Variants in CAPZB observed in about 807,000 individuals in gnomAD.
CAPZB encodes F-actin-capping protein subunit beta.
In CAPZB, 2 loss-of-function variants were observed where a neutral mutation model predicts 38.1. The observed-to-expected ratio is 0.05, with a 90% CI of 0.02 to 0.17. The LOEUF (loss-of-function observed/expected upper bound fraction) is 0.17. Ranked by LOEUF, CAPZB falls within the 10% of genes least tolerant of loss-of-function variation. The probability of loss-of-function intolerance (pLI) is 1.00; values close to 1 mark genes in which losing one functional copy is unlikely to be tolerated. For synonymous variants in CAPZB, 107 were observed against 127.4 expected (o/e 0.84, Z 1.08); for missense variants, 161 against 334.2 (o/e 0.48, Z 4.04).
At chr1:19,398,878 C>CT (rs35605042) in intron 2 of CAPZB, among the ~76,000 whole-genome samples, 8,894 of 140,808 alleles carry the variant, frequency 0.063, 405 homozygotes, top group African/African-American at 0.13. Context: ...CTGCACAACT[C>CT]TTTTTTTTTT....
chr1:19,421,956 C>T (rs527833753), intron 1 of CAPZB, among the ~76,000 whole-genome samples: 5 of 152,260 alleles, frequency 3.3e-5, no homozygotes, highest in African/African-American at 9.6e-5. Context: ...CCAACCTCCC[C>T]GCCCCTCAAC....
intron 1 of CAPZB, among the ~76,000 whole-genome samples, chr1:19,452,495 G>A (rs775160459): frequency 1.3e-5 from 2 of 152,222 alleles, no homozygotes; most frequent in Non-Finnish European, 2.9e-5. Flanking sequence ...AAGAGGAGCA[G>A]GGTCTGAGTT....
At chr1:19,484,044 G>A (rs2094640763) in intron 1 of CAPZB, 2 of 773,668 alleles carry the variant, frequency 2.6e-6, no homozygotes, top group African/African-American at 1.8e-5. Context: ...CTGTCCTGCA[G>A]AAGGGTCAAG....
At chr1:19,420,606 G>T (rs569458251) in intron 1 of CAPZB, among the ~76,000 whole-genome samples, 1 of 150,220 alleles carries the variant, frequency 6.7e-6, no homozygotes, top group South Asian at 2.1e-4. Context: ...TTTTGGGGGG[G>T]AGGGGGGGAA....
At chr1:19,385,201 A>G (rs2094197284) in intron 3 of CAPZB, among the ~76,000 whole-genome samples, 1 of 152,124 alleles carries the variant, frequency 6.6e-6, no homozygotes, top group East Asian at 1.9e-4. Flanking sequence ...TTTTTGAACA[A>G]CATCCCTCTC....
chr1:19,484,612 A>AGCTCCCCTC (rs1289537430), intron 1 of CAPZB: 1 of 1,192,652 alleles, frequency 8.4e-7, no homozygotes. Flanking sequence ...CCTGATGGAG[A>AGCTCCCCTC]GCTCCCCTCG....
At chr1:19,446,099 C>G (rs2100666723) in intron 1 of CAPZB, among the ~76,000 whole-genome samples, 1 of 152,338 alleles carries the variant, frequency 6.6e-6, no homozygotes, top group South Asian at 2.1e-4. Flanking sequence ...CAGTTCCAGT[C>G]TACACGGGAG....
chr1:19,426,853 A>C (rs1043135167), intron 1 of CAPZB, among the ~76,000 whole-genome samples: 1 of 152,228 alleles, frequency 6.6e-6, no homozygotes, highest in Non-Finnish European at 1.5e-5. Flanking sequence ...GTTAGACAGC[A>C]ACAGTAAATG....
At position 19,402,830 on chromosome 1, in the gene CAPZB, C is replaced by T. The variant is rs527366506; in HGVS notation, c.93+16831G>A. Among the ~76,000 whole-genome samples, 7 of 152,106 alleles carry T rather than the reference C, an allele frequency of 4.6e-5. 1 individual carries two copies. In the South Asian group the frequency reaches 1.2e-3, roughly 27 times the overall value. On this transcript the variant is annotated intron_variant, in intron 2 of 8. Transcript: ENST00000264202. ...TGGAAGGCCGAGGCGGGTAGATCAC[C>T]TGAGGTCAGGAGTTCGAGACCAGCA...
At chr1:19,341,591 G>A (rs112922838) in intron 8 of CAPZB, among the ~76,000 whole-genome samples, 122 of 152,338 alleles carry the variant, frequency 8.0e-4, no homozygotes, top group African/African-American at 2.9e-3. Flanking sequence ...GACAGTGCTC[G>A]ACTCTGTGGG....
chr1:19,453,226 G>GCTA (rs2094522440), intron 1 of CAPZB, among the ~76,000 whole-genome samples: 1 of 152,080 alleles, frequency 6.6e-6, no homozygotes, highest in South Asian at 2.1e-4. Flanking sequence ...GGGCCCCTGT[G>GCTA]CTACTGATAA....
intron 2 of CAPZB, among the ~76,000 whole-genome samples, chr1:19,400,861 T>A (rs916354483): frequency 6.6e-6 from 1 of 152,196 alleles, no homozygotes; most frequent in Non-Finnish European, 1.5e-5. Context: ...GCCATCTTTT[T>A]CACCACTGGA....
At chr1:19,443,959 TA>T (rs1027831316) in intron 1 of CAPZB, among the ~76,000 whole-genome samples, 1 of 152,026 alleles carries the variant, frequency 6.6e-6, no homozygotes, top group African/African-American at 2.4e-5. Flanking sequence ...CCCCTCTGGT[TA>T]AAAAAACTCT....
intron 1 of CAPZB, among the ~76,000 whole-genome samples, chr1:19,451,804 T>C (rs1422814130): frequency 1.3e-5 from 2 of 152,082 alleles, no homozygotes; most frequent in African/African-American, 4.8e-5. Flanking sequence ...ACCCTCAACA[T>C]AGCTGAAACC....
chr1:19,451,314 GCAGAGAACAGAAA>G (rs2094515236), intron 1 of CAPZB, among the ~76,000 whole-genome samples: 1 of 152,186 alleles, frequency 6.6e-6, no homozygotes, highest in Non-Finnish European at 1.5e-5. Flanking sequence ...AATGGTAGAG[GCAGAGAACAGAAA>G]CAGGGAACGG....
chr1:19,344,718 C>A lies in CAPZB; in HGVS notation c.655-284G>T, dbSNP rs533429386. On this transcript the variant is annotated intron_variant, in intron 7 of 8. Coordinates refer to ENST00000264202, the MANE Select transcript of CAPZB (RefSeq NM_004930.5). ...GGAGCTGCTCTAAACCACATCACCA[C>A]CCCTTGGGCTCCCCACTAATTTTGT... is the stretch of plus-strand genomic sequence containing the variant. 2.0e-5 allele frequency among the ~76,000 whole-genome samples: 3 copies of A among 152,158 alleles called. No individual in the cohort carries two copies. In the South Asian group the frequency reaches 6.2e-4, roughly 31 times the overall value.
At chr1:19,435,920 G>A (rs2094456807) in intron 1 of CAPZB, among the ~76,000 whole-genome samples, 1 of 152,202 alleles carries the variant, frequency 6.6e-6, no homozygotes, top group African/African-American at 2.4e-5. Context: ...TCACAAGTGA[G>A]GAAGGCAGCA....
chr1:19,419,904 C>T (rs539353289), intron 1 of CAPZB, 154 bp from the exon 2 acceptor site: 10 of 588,000 alleles, frequency 1.7e-5, no homozygotes, highest in Non-Finnish European at 2.4e-5. Context: ...CAGCCTGGAG[C>T]GGGGGGCGAC....
chr1:19,343,920 A>T (rs2093946658), intron 8 of CAPZB, among the ~76,000 whole-genome samples: 1 of 152,132 alleles, frequency 6.6e-6, no homozygotes. Context: ...GGGCCTGAGA[A>T]GGCCCGGACT....
Sources: allele counts gnomAD v4.1 joint callset (sites outside exome capture counted in the v4.1 genomes callset), GRCh38; gene constraint gnomAD v4.1.1; transcripts MANE v1.5; gene names NCBI Gene and HGNC (gene_info 2026-07-23, HGNC 2026-07-21).